VAV2: variants seen among roughly 807,000 people sequenced by gnomAD.
VAV2 encodes the protein vav guanine nucleotide exchange factor 2.
In VAV2, 67 loss-of-function variants were observed where a neutral mutation model predicts 132.5. The observed-to-expected ratio is 0.51, with a 90% CI of 0.42 to 0.62. The LOEUF (loss-of-function observed/expected upper bound fraction) is 0.62. VAV2 is among the 20% of genes least tolerant of loss of function. The pLI, the probability that VAV2 is intolerant of heterozygous loss-of-function variation, is 0.00. For missense variants in VAV2, 938 were observed against 1,153.6 expected (o/e 0.81, Z 2.71); for synonymous variants, 492 against 443.5 (o/e 1.11, Z -1.37).
chr9:133,988,787 G>A (rs889430703), intron 1 of VAV2, among the ~76,000 whole-genome samples: 2 of 152,134 alleles, frequency 1.3e-5, no homozygotes, highest in African/African-American at 4.8e-5. Context: ...CTGGGTGTGG[G>A]TGGGGCACTG....
intron 1 of VAV2, among the ~76,000 whole-genome samples, chr9:133,964,011 A>T (rs1016896796): frequency 7.5e-6 from 1 of 133,244 alleles, no homozygotes; most frequent in Admixed American, 8.5e-5. Context: ...CTTTAAAAAA[A>T]ATTATTCATT....
chr9:133,956,585 C>A (rs901801799), intron 1 of VAV2, among the ~76,000 whole-genome samples: 2 of 152,194 alleles, frequency 1.3e-5, no homozygotes, highest in African/African-American at 4.8e-5. Flanking sequence ...AAAAAGCACG[C>A]AGCCAGTTAG....
Position 133,807,433 on chromosome 9 carries a change from G to A in VAV2, c.667-107C>T, listed in dbSNP as rs1043493394. The A allele has an allele frequency of 6.1e-6, 7 of 1,151,440 alleles. No homozygotes were observed. The African/African-American group carries it at 9.5e-5, about 16-fold the overall frequency. 71.3% of individuals were successfully genotyped at this position (1,151,440 alleles called of 1,614,324 possible). A position where few individuals can be genotyped will look rare whatever the true frequency, so the allele number is the denominator to read the frequency against. On this transcript the variant is annotated intron_variant, in intron 7 of 29. Transcript: ENST00000371850. ...GGGCAGCTCCGAGGCAGGCACTGGGGTGCTCCATGCTTACTGGGGTAGCCT... is the reference window on the plus strand; with the variant it reads ...GGGCAGCTCCGAGGCAGGCACTGGGATGCTCCATGCTTACTGGGGTAGCCT...
chr9:133,880,434 G>A (rs1276807417), intron 2 of VAV2, among the ~76,000 whole-genome samples: 1 of 152,226 alleles, frequency 6.6e-6, no homozygotes, highest in East Asian at 1.9e-4. Context: ...TCCCAGGTCA[G>A]AAAAGGCTGG....
intron 4 of VAV2, among the ~76,000 whole-genome samples, chr9:133,818,355 G>C (rs1425135962): frequency 1.5e-5 from 2 of 133,680 alleles, no homozygotes; most frequent in Non-Finnish European, 3.1e-5. Flanking sequence ...GACAAAGCAA[G>C]ACTCCATCTC....
At chr9:133,844,811 G>C (rs528397255) in intron 3 of VAV2, among the ~76,000 whole-genome samples, 1 of 152,344 alleles carries the variant, frequency 6.6e-6, no homozygotes, top group Admixed American at 6.5e-5. Flanking sequence ...TCACGAGGAG[G>C]AAACTGAGGC....
chr9:133,886,262 C>T (rs1211975491), intron 2 of VAV2, among the ~76,000 whole-genome samples: 2 of 152,222 alleles, frequency 1.3e-5, no homozygotes, highest in Non-Finnish European at 2.9e-5. Flanking sequence ...GGCTGGGCCT[C>T]GTCTGATGCT....
rs1445511938 is a variant in VAV2, at chr9:133,777,322, G to A, written c.1965+67C>T. ...CAAGCCAAAAATGTCCACGTGAGGA[G>A]GCAGCTCCCAGAACCCTCAGCACCC... On this transcript the variant is annotated intron_variant, in intron 23 of 29. Coordinates refer to ENST00000371850, the MANE Select transcript of VAV2 (RefSeq NM_001134398.2). The A allele has an allele frequency of 3.9e-6, 6 of 1,539,752 alleles. No homozygotes were observed. In the East Asian group the frequency reaches 1.4e-4, roughly 35 times the overall value.
At chr9:133,818,452 T>C (rs1835656032) in intron 4 of VAV2, among the ~76,000 whole-genome samples, 1 of 151,058 alleles carries the variant, frequency 6.6e-6, no homozygotes, top group African/African-American at 2.4e-5. Context: ...TCGGAACTCC[T>C]CCTGGGTGTC....
chr9:133,785,964 T>C (rs919520390), intron 16 of VAV2, 79 bp from the exon 17 acceptor site: 10 of 1,246,442 alleles, frequency 8.0e-6, no homozygotes, highest in Admixed American at 7.3e-5. Flanking sequence ...TACTCTCGCC[T>C]GTGCAGCATG....
chr9:133,871,447 T>G (rs1030234064), intron 2 of VAV2, among the ~76,000 whole-genome samples: 1 of 147,462 alleles, frequency 6.8e-6, no homozygotes. Flanking sequence ...GATTGATGGA[T>G]GGATGGATGG....
chr9:133,907,580 A>C lies in VAV2; in HGVS notation c.321+31523T>G, dbSNP rs116767350. Among the ~76,000 whole-genome samples the C allele has an allele frequency of 7.9e-3, 1,199 of 152,274 alleles. 20 individuals carry two copies. The highest frequency in any genetic ancestry group is 0.027 in the African/African-American group (1,124 of 41,556). ...ACCACGTTGGAAAGCCCCCTGGGAG[A>C]TGTTTTAGGGGATGGGAGAAGGCCT... On this transcript the variant is annotated intron_variant, in intron 2 of 29. Transcript: ENST00000371850.
At chr9:133,903,708 C>T (rs150394142) in intron 2 of VAV2, among the ~76,000 whole-genome samples, 24 of 152,192 alleles carry the variant, frequency 1.6e-4, no homozygotes, top group Admixed American at 3.3e-4. Flanking sequence ...ATCTCACAAG[C>T]GTGGGCGTCA....
At chr9:133,812,027 G>T in intron 5 of VAV2, 87 bp downstream of exon 5, 1 of 1,387,346 alleles carries the variant, frequency 7.2e-7, no homozygotes, top group Non-Finnish European at 1.0e-6. Context: ...TCAGACATGG[G>T]GACAGCTCGG....
At chr9:133,796,685 G>C (rs949280471) in intron 10 of VAV2, among the ~76,000 whole-genome samples, 161 bp from the exon 11 acceptor site, 47 of 151,846 alleles carry the variant, frequency 3.1e-4, no homozygotes, top group Admixed American at 6.5e-4. Context: ...CATGCACCAG[G>C]TGTGTGCAGA....
At chr9:133,915,222 G>A (rs575886894) in intron 2 of VAV2, among the ~76,000 whole-genome samples, 2 of 152,258 alleles carry the variant, frequency 1.3e-5, no homozygotes, top group South Asian at 2.1e-4. Context: ...GGGGCAGAGT[G>A]GGGACATCCA....
rs12552624 is a variant in VAV2 at position 133,800,539 on chromosome 9, G to A, written c.837-2730C>T. Among the ~76,000 whole-genome samples the A allele has an allele frequency of 7.9e-3, 1,197 of 152,310 alleles. 26 individuals are homozygous for A. Among genetic ancestry groups the A allele is most frequent in the Admixed American group, 0.043 (664 of 15,296 alleles). ...CCAGGCCCCGCACCACTGCGGACTC[G>A]GCTTCAAGCATTTCAGGTGAGCTGG... On this transcript the variant is annotated intron_variant, in intron 9 of 29. Transcript: ENST00000371850.
intron 9 of VAV2, among the ~76,000 whole-genome samples, chr9:133,800,472 C>T (rs1834887044): frequency 6.6e-6 from 1 of 152,188 alleles, no homozygotes; most frequent in African/African-American, 2.4e-5. Context: ...GGGGCTGGGG[C>T]CACGCTCGGG....
At chr9:133,981,420 A>T (rs1389846185) in intron 1 of VAV2, among the ~76,000 whole-genome samples, 1 of 152,196 alleles carries the variant, frequency 6.6e-6, no homozygotes, top group African/African-American at 2.4e-5. Context: ...CGGCAGTCTC[A>T]GGAAGAGAGC....
Sources: allele counts gnomAD v4.1 joint callset (sites outside exome capture counted in the v4.1 genomes callset), GRCh38; gene constraint gnomAD v4.1.1; transcripts MANE v1.5; gene names NCBI Gene and HGNC (gene_info 2026-07-23, HGNC 2026-07-21).